The following ARSB variants were observed in gnomAD, a reference collection of about 807,000 sequenced individuals.
The protein encoded by ARSB is arylsulfatase B.
Under a neutral mutation model 50.9 loss-of-function variants are expected in ARSB, and 41 were observed. The observed-to-expected ratio is 0.81, with a 90% CI of 0.63 to 1.04. ARSB has a LOEUF of 1.04. Ranked by LOEUF, ARSB falls within the 50% of genes least tolerant of loss-of-function variation. The probability of loss-of-function intolerance (pLI) is 0.00; values close to 1 mark genes in which losing one functional copy is unlikely to be tolerated. For missense variants in ARSB, 672 were observed against 693.3 expected (o/e 0.97, Z 0.35); for synonymous variants, 269 against 284.8 (o/e 0.94, Z 0.56).
chr5:78,810,064 G>A (rs1322834933), intron 6 of ARSB, among the ~76,000 whole-genome samples: 2 of 152,200 alleles, frequency 1.3e-5, no homozygotes, highest in Non-Finnish European at 2.9e-5. Flanking sequence ...AAGCTCATCT[G>A]GAGCAAACTC....
At chr5:78,847,850 A>G (rs559580621) in intron 5 of ARSB, among the ~76,000 whole-genome samples, 1 of 152,166 alleles carries the variant, frequency 6.6e-6, no homozygotes, top group Admixed American at 6.5e-5. Flanking sequence ...TTGTTGGCAT[A>G]TAGTTGTTCA....
chr5:78,833,677 A>G (rs1266711648), intron 6 of ARSB, among the ~76,000 whole-genome samples: 1 of 152,224 alleles, frequency 6.6e-6, no homozygotes, highest in Non-Finnish European at 1.5e-5. Flanking sequence ...TCAGAACAGC[A>G]AGAAGAGGCA....
At chr5:78,880,125 G>A (rs1324212692) in intron 5 of ARSB, among the ~76,000 whole-genome samples, 2 of 152,154 alleles carry the variant, frequency 1.3e-5, no homozygotes, top group Admixed American at 6.5e-5. Flanking sequence ...TGGCCGCTAG[G>A]AGAACGTGCT....
At chr5:78,815,912 G>T in intron 6 of ARSB, 1 of 1,482,660 alleles carries the variant, frequency 6.7e-7, no homozygotes, top group Admixed American at 2.3e-5. Context: ...GCCTCCTGGG[G>T]CCCCTTCTTT....
chr5:78,832,551 C>T (rs991088542), intron 6 of ARSB, among the ~76,000 whole-genome samples: 3 of 152,084 alleles, frequency 2.0e-5, no homozygotes, highest in African/African-American at 7.2e-5. Context: ...CTCTGAATGT[C>T]GCTCTGAGGA....
At chr5:78,802,801 T>C (rs73120693) in intron 6 of ARSB, among the ~76,000 whole-genome samples, 1 of 152,160 alleles carries the variant, frequency 6.6e-6, no homozygotes, top group Non-Finnish European at 1.5e-5. Flanking sequence ...GGTGTCCACG[T>C]TGGGGTGGCC....
intron 6 of ARSB, among the ~76,000 whole-genome samples, chr5:78,787,379 T>C (rs1256854053): frequency 1.3e-5 from 2 of 152,184 alleles, no homozygotes; most frequent in Non-Finnish European, 2.9e-5. Context: ...ACTGGGTGTT[T>C]TCACTATTAA....
chr5:78,846,875 T>C (rs1416279940), intron 5 of ARSB, among the ~76,000 whole-genome samples: 1 of 152,208 alleles, frequency 6.6e-6, no homozygotes, highest in African/African-American at 2.4e-5. Flanking sequence ...AGTGCGATGT[T>C]TGCTATGGGC....
At chr5:78,941,772 G>T (rs1750943152) in intron 4 of ARSB, among the ~76,000 whole-genome samples, 1 of 152,124 alleles carries the variant, frequency 6.6e-6, no homozygotes, top group Non-Finnish European at 1.5e-5. Context: ...GCCTGGCTTT[G>T]GTATCAGGAT....
intron 6 of ARSB, among the ~76,000 whole-genome samples, chr5:78,830,901 G>C (rs930789667): frequency 1.3e-5 from 2 of 152,142 alleles, no homozygotes; most frequent in Non-Finnish European, 2.9e-5. Flanking sequence ...AGGCAGGCAC[G>C]GAAGCAGCAA....
chr5:78,781,474 C>G (rs572470928), intron 7 of ARSB, among the ~76,000 whole-genome samples: 1 of 152,086 alleles, frequency 6.6e-6, no homozygotes, highest in East Asian at 1.9e-4. Context: ...GGAAAGCTTA[C>G]TTGCACCATG....
chr5:78,841,811 G>C (rs991040434), intron 5 of ARSB, among the ~76,000 whole-genome samples: 1 of 152,074 alleles, frequency 6.6e-6, no homozygotes, highest in African/African-American at 2.4e-5. Context: ...CTAGTTGATT[G>C]TTAGGAAAAA....
intron 3 of ARSB, among the ~76,000 whole-genome samples, chr5:78,962,098 G>A (rs754827244): frequency 2.0e-5 from 3 of 152,134 alleles, no homozygotes; most frequent in Non-Finnish European, 4.4e-5. Flanking sequence ...TGGAGTCAGA[G>A]AGCATGAGTT....
chr5:78,787,163 C>T (rs1749111658), intron 6 of ARSB, among the ~76,000 whole-genome samples: 1 of 149,302 alleles, frequency 6.7e-6, no homozygotes, highest in South Asian at 2.2e-4. Context: ...ACTATGTTGG[C>T]CAGGCTGGTC....
At chr5:78,927,472 TC>T (rs1294590466) in intron 4 of ARSB, among the ~76,000 whole-genome samples, 1 of 152,234 alleles carries the variant, frequency 6.6e-6, no homozygotes, top group African/African-American at 2.4e-5. Flanking sequence ...CCTGCCATTT[TC>T]TTAATTCCTT....
intron 1 of ARSB, among the ~76,000 whole-genome samples, chr5:78,976,700 T>C (rs141712637): frequency 1.8e-4 from 27 of 152,376 alleles, no homozygotes; most frequent in Middle Eastern, 3.4e-3. Context: ...GGCACTTGAC[T>C]GTATTTCCTT....
chr5:78,926,117 A>G (rs556603253), intron 4 of ARSB, among the ~76,000 whole-genome samples: 1 of 152,298 alleles, frequency 6.6e-6, no homozygotes, highest in African/African-American at 2.4e-5. Context: ...TGGATCCTGA[A>G]TAACATATTC....
At chr5:78,792,629 T>G (rs1742999565) in intron 6 of ARSB, among the ~76,000 whole-genome samples, 1 of 152,142 alleles carries the variant, frequency 6.6e-6, no homozygotes, top group African/African-American at 2.4e-5. Flanking sequence ...CTAAATAGAA[T>G]GAGTGTGAAG....
intron 4 of ARSB, among the ~76,000 whole-genome samples, chr5:78,935,932 C>T (rs1337907570): frequency 1.0e-4 from 10 of 95,908 alleles, no homozygotes; most frequent in Admixed American, 1.0e-4. Flanking sequence ...CCCTCTCCTC[C>T]ACTCCCCTCC....
Sources: allele counts gnomAD v4.1 joint callset (sites outside exome capture counted in the v4.1 genomes callset), GRCh38; gene constraint gnomAD v4.1.1; transcripts MANE v1.5; gene names NCBI Gene and HGNC (gene_info 2026-07-23, HGNC 2026-07-21).